The following PRH1 variants were observed in gnomAD, a reference collection of about 807,000 sequenced individuals.
PRH1 encodes the protein salivary acidic proline-rich phosphoprotein 1/2.
PRH1 carries 7 observed loss-of-function variants against 7.9 expected under a neutral mutation model. The ratio of observed to expected loss-of-function variants is 0.89; its 90% CI spans 0.50 to 1.67. PRH1 has a LOEUF of 1.67. Among genes scored for constraint, PRH1 ranks in the 40% most tolerant of loss-of-function variants. The pLI is 0.00. For missense variants in PRH1, 109 were observed against 223.6 expected, an observed-to-expected ratio of 0.49 and a Z score of 3.27; for synonymous variants, 45 against 80.8, an observed-to-expected ratio of 0.56 and a Z score of 2.38.
At chr12:10,971,813 A>G (rs1591748807) in intron 2 of PRH1, among the ~76,000 whole-genome samples, 2 of 152,182 alleles carry the variant, frequency 1.3e-5, no homozygotes, top group East Asian at 3.9e-4. Flanking sequence ...TTTCTATTCA[A>G]TTTTAAAACG....
chr12:11,062,396 G>C (rs1479209919), intron 1 of PRH1: 3 of 1,322,758 alleles, frequency 2.3e-6, no homozygotes, highest in Non-Finnish European at 3.0e-6. Context: ...CCTGATTTGT[G>C]TATGTGCTGT....
chr12:10,908,117 GTA>G (rs1444436023), intron 2 of PRH1: 23 of 401,354 alleles, frequency 5.7e-5, no homozygotes, highest in Non-Finnish European at 6.6e-5. Context: ...GTATGCTGTA[GTA>G]TATGTTTTTA....
intron 2 of PRH1, among the ~76,000 whole-genome samples, chr12:10,943,933 C>T (rs957323918): frequency 2.6e-5 from 4 of 152,074 alleles, no homozygotes; most frequent in African/African-American, 7.2e-5. Flanking sequence ...GTGTATGTAC[C>T]TGTTTTTATG....
At chr12:11,096,202 G>C (rs530157611) in intron 1 of PRH1, among the ~76,000 whole-genome samples, 1 of 115,524 alleles carries the variant, frequency 8.7e-6, no homozygotes, top group South Asian at 2.3e-4. Context: ...TATGTTAGTT[G>C]TTCTGATTGT....
At chr12:10,964,924 A>G (rs1938432320) in intron 2 of PRH1, 1 of 594,992 alleles carries the variant, frequency 1.7e-6, no homozygotes, top group Non-Finnish European at 3.1e-6. Context: ...CCACAACAAG[A>G]TGACAAACCA....
chr12:11,152,166 T>C (rs1467012313), intron 1 of PRH1, among the ~76,000 whole-genome samples: 1 of 151,754 alleles, frequency 6.6e-6, no homozygotes. Context: ...TGTGCCATGT[T>C]GGTGTGCAGC....
At chr12:11,169,631 G>T (rs1947751596) in intron 1 of PRH1, among the ~76,000 whole-genome samples, 1 of 151,886 alleles carries the variant, frequency 6.6e-6, no homozygotes, top group African/African-American at 2.4e-5. Flanking sequence ...AAAAATCCAG[G>T]ACGTAATGAC....
chr12:11,042,620 A>ATTTTTTTTTTTT (rs1337131350), intron 1 of PRH1, among the ~76,000 whole-genome samples: 1 of 92,922 alleles, frequency 1.1e-5, no homozygotes, highest in Admixed American at 1.5e-4. Flanking sequence ...TTCCAGGCTC[A>ATTTTTTTTTTTT]TTCTTTTTTT....
intron 1 of PRH1, chr12:11,133,811 A>G: frequency 6.2e-7 from 1 of 1,614,160 alleles, no homozygotes; most frequent in South Asian, 1.1e-5. Context: ...GTTTATCACA[A>G]AAAGATGACA....
chr12:11,132,925 T>C (rs2136367067), intron 1 of PRH1: 1 of 192,228 alleles, frequency 5.2e-6, no homozygotes. Flanking sequence ...AAAAGAGCAA[T>C]ATTTTTCCTG....
intron 1 of PRH1, among the ~76,000 whole-genome samples, chr12:11,127,416 T>G (rs1279378265): frequency 1.3e-5 from 2 of 152,302 alleles, no homozygotes; most frequent in African/African-American, 4.8e-5. Flanking sequence ...TATATGTAGC[T>G]TGGTCAAAAC....
intron 1 of PRH1, among the ~76,000 whole-genome samples, chr12:11,038,752 T>C (rs527380615): frequency 8.1e-6 from 1 of 123,176 alleles, no homozygotes; most frequent in African/African-American, 2.6e-5. Context: ...TGCATGTGAA[T>C]GTATATGTAT....
At chr12:11,050,517 G>T (rs527276609), upstream of PRH1, among the ~76,000 whole-genome samples, 1 of 152,342 alleles carries the variant, frequency 6.6e-6, no homozygotes, top group East Asian at 1.9e-4. Flanking sequence ...TCACAGTGCT[G>T]CAGAGATTTT....
At chr12:10,986,275 GAAA>G (rs1939620537) in intron 1 of PRH1, 1 of 1,613,956 alleles carries the variant, frequency 6.2e-7, no homozygotes, top group Non-Finnish European at 8.5e-7. Flanking sequence ...ATTAGCATCA[GAAA>G]AGATATCAGG....
chr12:11,059,278 C>A (rs1486460760), intron 1 of PRH1, among the ~76,000 whole-genome samples: 1 of 151,394 alleles, frequency 6.6e-6, no homozygotes, highest in Non-Finnish European at 1.5e-5. Flanking sequence ...TCTCTCTCAC[C>A]TCACTGTGAA....
chr12:10,923,145 G>C (rs1208472344), intron 2 of PRH1, among the ~76,000 whole-genome samples: 1 of 119,636 alleles, frequency 8.4e-6, no homozygotes, highest in Non-Finnish European at 1.7e-5. Flanking sequence ...TTTTTTTTGA[G>C]ACAGAGTTTT....
chr12:11,043,071 A>T (rs1942775111), intron 1 of PRH1, among the ~76,000 whole-genome samples: 1 of 152,236 alleles, frequency 6.6e-6, no homozygotes, highest in Admixed American at 6.5e-5. Flanking sequence ...ATTAAATAAT[A>T]CATTAAAAAG....
At chr12:10,884,872 G>A (rs533708678), upstream of PRH1, among the ~76,000 whole-genome samples, 1 of 152,298 alleles carries the variant, frequency 6.6e-6, no homozygotes, top group Admixed American at 6.5e-5. Context: ...CCAAACTTCT[G>A]TGAATCTCAC....
chr12:10,977,415 T>A (rs530482139), intron 1 of PRH1, among the ~76,000 whole-genome samples: 1 of 152,260 alleles, frequency 6.6e-6, no homozygotes, highest in East Asian at 1.9e-4. Context: ...GGTATATACT[T>A]CACAATAATA....
Sources: gnomAD v4.1 joint callset for allele counts (sites outside exome capture counted in the v4.1 genomes callset) on GRCh38, gnomAD v4.1.1 for gene constraint, MANE v1.5 for transcripts, NCBI Gene and HGNC (gene_info 2026-07-23, HGNC 2026-07-21) for gene names.